PRKAR2A: variants seen among roughly 807,000 people sequenced by gnomAD.
The protein encoded by PRKAR2A is cAMP-dependent protein kinase type II-alpha regulatory subunit.
Under a neutral mutation model 51.9 loss-of-function variants are expected in PRKAR2A, and 29 were observed. The observed-to-expected ratio is 0.56, with a 90% CI of 0.42 to 0.76. PRKAR2A has a LOEUF of 0.76. Among genes scored for constraint, PRKAR2A ranks in the 30% least tolerant of loss-of-function variants. The probability of loss-of-function intolerance (pLI) is 0.00; values close to 1 mark genes in which losing one functional copy is unlikely to be tolerated. For missense variants in PRKAR2A, 445 were observed against 512.1 expected (o/e 0.87, Z 1.26); for synonymous variants, 178 against 186.2 (o/e 0.96, Z 0.36).
intron 1 of PRKAR2A, among the ~76,000 whole-genome samples, chr3:48,839,171 C>T (rs2083336948): frequency 6.6e-6 from 1 of 152,000 alleles, no homozygotes; most frequent in Admixed American, 6.6e-5. Context: ...GCCTGTAATC[C>T]TGGCTACTCG....
intron 3 of PRKAR2A, among the ~76,000 whole-genome samples, chr3:48,791,903 CAAAAAAAAAAAAAAAAAAA>C (rs1177374619): frequency 2.4e-5 from 1 of 41,880 alleles, no homozygotes; most frequent in Non-Finnish European, 3.8e-5. Context: ...AACTCTGTCT[CAAAAAAAAAAAAAAAAAAA>C]AAAAAAAAAA....
intron 7 of PRKAR2A, 45 bp downstream of exon 7, chr3:48,765,203 C>T (rs777444889): frequency 9.0e-6 from 14 of 1,563,318 alleles, no homozygotes; most frequent in Non-Finnish European, 1.2e-5. Flanking sequence ...GTTTTAAAAG[C>T]TTTTCCTGAT....
At chr3:48,842,608 G>A (rs989190969) in intron 1 of PRKAR2A, among the ~76,000 whole-genome samples, 6 of 152,160 alleles carry the variant, frequency 3.9e-5, no homozygotes, top group Admixed American at 1.3e-4. Context: ...AATTTATTGA[G>A]CGTTTTTAGA....
chr3:48,808,048 CTT>C (rs1181440560), intron 1 of PRKAR2A, among the ~76,000 whole-genome samples: 4 of 122,690 alleles, frequency 3.3e-5, no homozygotes, highest in Non-Finnish European at 3.2e-5. Context: ...TTCTTTCTTT[CTT>C]TTTTTTTTTT....
In PRKAR2A at chr3:48,750,072, A is replaced by AT. The variant is rs869243636; in HGVS notation, c.*1512dup. ...ACCACACCTGACAAATTAAAAAAAAATTTTTTTTTTGCCAGGTGCAGTGGC... is the reference window on the plus strand; with the variant it reads ...ACCACACCTGACAAATTAAAAAAAAATTTTTTTTTTTGCCAGGTGCAGTGGC... On this transcript the variant is annotated 3_prime_UTR_variant, in exon 11 of 11. Coordinates refer to ENST00000265563, the MANE Select transcript of PRKAR2A (RefSeq NM_004157.4). 1.1e-4 allele frequency: 16 copies of AT among 149,404 alleles called. 1 individual carries two copies. The highest frequency in any genetic ancestry group is 5.9e-4 in the East Asian group (3 of 5,044). The allele number at this position is 149,404 out of a possible 1,614,324, so 9.3% of individuals were successfully genotyped here. A position where few individuals can be genotyped will look rare whatever the true frequency, so the allele number is the denominator to read the frequency against.
chr3:48,803,423 ATTTG>A (rs1247544321), intron 2 of PRKAR2A, among the ~76,000 whole-genome samples: 10 of 152,066 alleles, frequency 6.6e-5, no homozygotes, highest in African/African-American at 1.7e-4. Context: ...TTTCTTATTT[ATTTG>A]TTTATTTGTT....
chr3:48,777,717 A>G (rs2082127462), intron 5 of PRKAR2A, among the ~76,000 whole-genome samples: 1 of 151,722 alleles, frequency 6.6e-6, no homozygotes, highest in Admixed American at 6.6e-5. Flanking sequence ...TTATTTTTTT[A>G]TATTCTAAAT....
chr3:48,824,878 G>A (rs1248987965), intron 1 of PRKAR2A, among the ~76,000 whole-genome samples: 2 of 150,652 alleles, frequency 1.3e-5, no homozygotes, highest in African/African-American at 4.9e-5. Flanking sequence ...CCCGGGAGGC[G>A]GAGGTTGCAG....
Position 48,817,320 on chromosome 3 carries a change from C to T in PRKAR2A, c.263-9636G>A, listed in dbSNP as rs71324923. Among the ~76,000 whole-genome samples the T allele has an allele frequency of 1.6e-3, 196 of 125,438 alleles. 1 individual carries two copies. The highest frequency in any genetic ancestry group is 2.3e-3 in the Non-Finnish European group (143 of 62,448). 82.3% of individuals were successfully genotyped at this position (125,438 alleles called of 152,430 possible). On this transcript the variant is annotated intron_variant, in intron 1 of 10. Coordinates refer to ENST00000265563, the MANE Select transcript of PRKAR2A (RefSeq NM_004157.4). ...CCATCCTGGTGACACAGCAAGACTACGTCTCAATAAATAAATAAATAAATA... is the reference window on the plus strand; with the variant it reads ...CCATCCTGGTGACACAGCAAGACTATGTCTCAATAAATAAATAAATAAATA...
At chr3:48,754,540 A>G (rs1367592159) in intron 9 of PRKAR2A, among the ~76,000 whole-genome samples, 2 of 152,104 alleles carry the variant, frequency 1.3e-5, no homozygotes, top group Non-Finnish European at 2.9e-5. Context: ...TGGGAGGCAG[A>G]GGCAGGAGGA....
In PRKAR2A at chr3:48,790,995, G is replaced by T. The variant is rs1207641960; in HGVS notation, c.352-368C>A. Among the ~76,000 whole-genome samples the T allele has an allele frequency of 8.5e-5, 13 of 152,212 alleles. No homozygotes were observed. The East Asian group carries it at 2.5e-3, about 29-fold the overall frequency. On this transcript the variant is annotated intron_variant, in intron 3 of 10. Transcript: ENST00000265563. ...TTTAATCTGACCAGAAATAATAGAT[G>T]TTAAAAGTGTTGGCCGGGCGAGGTG...
At chr3:48,764,965 T>C in intron 8 of PRKAR2A, 39 bp downstream of exon 8, 1 of 1,571,606 alleles carries the variant, frequency 6.4e-7, no homozygotes, top group Non-Finnish European at 8.7e-7. Flanking sequence ...TCTTCAGGGG[T>C]GACTTCCAGG....
chr3:48,815,746 C>T (rs1488072994), intron 1 of PRKAR2A, among the ~76,000 whole-genome samples: 2 of 150,830 alleles, frequency 1.3e-5, no homozygotes, highest in African/African-American at 2.4e-5. Context: ...CAGGGCCAGG[C>T]GTGGTGGCTC....
In PRKAR2A at chr3:48,752,170, T is replaced by G; in HGVS notation, c.1081+6A>C. 6.2e-7 allele frequency: 1 copy of G among 1,605,536 alleles called. No individual in the cohort carries two copies. The highest frequency in any genetic ancestry group is 8.5e-7 in the Non-Finnish European group (1 of 1,177,924). ...AGAATATTAATGCATAAAGAACTTT[T>G]CTTACCTAAGCATTTGACATCTCCA... On this transcript the variant is annotated splice_donor_region_variant and intron_variant, in intron 10 of 10. Transcript: ENST00000265563.
chr3:48,773,339 C>CTTTTTTTTTT (rs34140561), intron 5 of PRKAR2A, among the ~76,000 whole-genome samples: 9 of 87,656 alleles, frequency 1.0e-4, no homozygotes, highest in East Asian at 3.5e-4. Context: ...ATTTTCTTTT[C>CTTTTTTTTTT]TTTTTTTTTT....
Position 48,748,584 on chromosome 3 carries a change from G to A in PRKAR2A, c.*3001C>T, listed in dbSNP as rs2081597751. Reference sequence around the variant, plus strand: ...AAGGCCCATCCCTAGCAGACTGCAGGAGTGACTCTGGCATAGAATTCATGG... The same window carrying A: ...AAGGCCCATCCCTAGCAGACTGCAGAAGTGACTCTGGCATAGAATTCATGG... On this transcript the variant is annotated 3_prime_UTR_variant, in exon 11 of 11. Transcript: ENST00000265563. 6.6e-6 allele frequency: 1 copy of A among 152,232 alleles called. No homozygotes were observed. The highest frequency in any genetic ancestry group is 2.4e-5 in the African/African-American group (1 of 41,440). 9.4% of individuals were successfully genotyped at this position (152,232 alleles called of 1,614,324 possible). A position where few individuals can be genotyped will look rare whatever the true frequency, so the allele number is the denominator to read the frequency against.
At chr3:48,773,759 CACACACAT>C (rs1315798967) in intron 5 of PRKAR2A, among the ~76,000 whole-genome samples, 1 of 151,744 alleles carries the variant, frequency 6.6e-6, no homozygotes, top group Non-Finnish European at 1.5e-5. Context: ...TATATACACA[CACACACAT>C]ATATACATAC....
chr3:48,830,844 C>G (rs942344237), intron 1 of PRKAR2A, among the ~76,000 whole-genome samples: 16 of 152,274 alleles, frequency 1.1e-4, no homozygotes, highest in African/African-American at 3.9e-4. Flanking sequence ...GCATTTGGTT[C>G]TCATAAGGAG....
At chr3:48,806,837 T>C (rs1575908651) in intron 2 of PRKAR2A, among the ~76,000 whole-genome samples, 1 of 152,002 alleles carries the variant, frequency 6.6e-6, no homozygotes, top group Non-Finnish European at 1.5e-5. Context: ...AGTAGCGTGA[T>C]CTTGGCTCAC....
Sources: allele counts gnomAD v4.1 joint callset (sites outside exome capture counted in the v4.1 genomes callset), GRCh38; gene constraint gnomAD v4.1.1; transcripts MANE v1.5; gene names NCBI Gene and HGNC (gene_info 2026-07-23, HGNC 2026-07-21).